The following HVCN1 variants were observed in gnomAD, a reference collection of about 807,000 sequenced individuals.
The protein encoded by HVCN1 is voltage-gated hydrogen channel 1.
Under a neutral mutation model 29.2 loss-of-function variants are expected in HVCN1, and 14 were observed. The ratio of observed to expected loss-of-function variants is 0.48; its 90% CI spans 0.32 to 0.75. HVCN1 has a LOEUF of 0.75. HVCN1 is among the 30% of genes least tolerant of loss of function. The pLI is 0.04. For synonymous variants in HVCN1, 131 were observed against 133.2 expected (o/e 0.98, Z 0.11); for missense variants, 263 against 341.8 (o/e 0.77, Z 1.82).
upstream of HVCN1, among the ~76,000 whole-genome samples, chr12:110,694,643 G>C (rs1242652941): frequency 6.6e-6 from 1 of 152,240 alleles, no homozygotes; most frequent in East Asian, 1.9e-4. The surrounding 1 kb of genome is among the most constrained non-coding windows in gnomAD (Gnocchi z 4.6). Context: ...GCCAGAGACA[G>C]GGTGGGGGTT....
rs147429697 is a variant in HVCN1 at position 110,681,152 on chromosome 12, G to A, written c.21+2073C>T. ...ATGTCTCTGAAATCTGGCTGGGCCTGACAATTGATCGGTTTCAGCCTGTGT... is the reference window on the plus strand; with the variant it reads ...ATGTCTCTGAAATCTGGCTGGGCCTAACAATTGATCGGTTTCAGCCTGTGT... On this transcript the variant is annotated intron_variant, in intron 3 of 7. Transcript: ENST00000242607. Among the ~76,000 whole-genome samples the A allele has an allele frequency of 6.8e-3, 1,036 of 152,286 alleles. 1 individual carries two copies. Among genetic ancestry groups the A allele is most frequent in the Non-Finnish European group, 9.3e-3 (632 of 68,026 alleles).
At chr12:110,667,452 A>G (rs1471038405) in intron 3 of HVCN1, among the ~76,000 whole-genome samples, 1 of 151,450 alleles carries the variant, frequency 6.6e-6, no homozygotes, top group Non-Finnish European at 1.5e-5. Context: ...CTTTTTTGAG[A>G]TAGGGTCTCG....
chr12:110,687,608 G>C (rs925078600), intron 2 of HVCN1, among the ~76,000 whole-genome samples: 1 of 152,146 alleles, frequency 6.6e-6, no homozygotes. Context: ...GAGGGGTCCA[G>C]CGTGATGAGG....
intron 3 of HVCN1, among the ~76,000 whole-genome samples, chr12:110,669,378 G>T (rs2068490538): frequency 6.6e-6 from 1 of 152,074 alleles, no homozygotes; most frequent in Non-Finnish European, 1.5e-5. Flanking sequence ...TGTCCCTGCT[G>T]TGCAGCGACC....
At chr12:110,678,099 C>T (rs1256836171) in intron 3 of HVCN1, among the ~76,000 whole-genome samples, 6 of 152,252 alleles carry the variant, frequency 3.9e-5, no homozygotes, top group Non-Finnish European at 8.8e-5. Context: ...GCGGGGACTG[C>T]AATGTCTCTG....
At chr12:110,667,596 A>AT (rs924249514) in intron 3 of HVCN1, among the ~76,000 whole-genome samples, 1 of 150,346 alleles carries the variant, frequency 6.7e-6, no homozygotes, top group African/African-American at 2.5e-5. Flanking sequence ...CGCTCAGCTA[A>AT]TTTTTTGTAT....
upstream of HVCN1, among the ~76,000 whole-genome samples, chr12:110,690,557 ACCTCC>A (rs2069381874): frequency 6.6e-6 from 1 of 151,768 alleles, no homozygotes; most frequent in Non-Finnish European, 1.5e-5. Context: ...GCTTACTGCA[ACCTCC>A]GCCTCCTGGG....
chr12:110,699,568 C>T (rs1469770513), intron 2 of HVCN1, among the ~76,000 whole-genome samples: 14 of 152,064 alleles, frequency 9.2e-5, no homozygotes, highest in African/African-American at 7.2e-5. Flanking sequence ...ACAGAGAAGA[C>T]GAGGTCCTTT....
chr12:110,648,944 T>C lies in HVCN1; in HGVS notation c.*466A>G. The C allele has an allele frequency of 2.3e-6, 1 of 426,836 alleles. No homozygotes were observed. The highest frequency in any genetic ancestry group is 7.1e-5 in the East Asian group (1 of 14,174). 26.4% of individuals were successfully genotyped at this position (426,836 alleles called of 1,614,324 possible). ...CAGAGGAGGGGCCTGGGTACCCCTT[T>C]TGGGGAAACTGAGACGAAGCTATTT... On this transcript the variant is annotated 3_prime_UTR_variant, in exon 8 of 8. Coordinates refer to ENST00000242607, the MANE Select transcript of HVCN1 (RefSeq NM_032369.4).
chr12:110,693,495 G>A (rs112105090), upstream of HVCN1, among the ~76,000 whole-genome samples: 476 of 151,376 alleles, frequency 3.1e-3, 1 homozygote, highest in African/African-American at 0.011. Context: ...AGTGAACTGA[G>A]ATCACGCCAC....
chr12:110,688,867 C>T (rs2069302588), intron 1 of HVCN1, among the ~76,000 whole-genome samples, 159 bp from the exon 2 acceptor site: 1 of 152,216 alleles, frequency 6.6e-6, no homozygotes, highest in Non-Finnish European at 1.5e-5. Flanking sequence ...GACTCCAGTC[C>T]CTGCCGAGGG....
At chr12:110,671,211 T>C (rs2068563170) in intron 3 of HVCN1, among the ~76,000 whole-genome samples, 1 of 151,940 alleles carries the variant, frequency 6.6e-6, no homozygotes, top group African/African-American at 2.4e-5. Context: ...CCTGTAATCC[T>C]AGCTACTCCG....
intron 2 of HVCN1, among the ~76,000 whole-genome samples, chr12:110,699,761 T>C (rs2069544738): frequency 6.6e-6 from 1 of 152,114 alleles, no homozygotes; most frequent in South Asian, 2.1e-4. Context: ...CTTCTTCTAG[T>C]CTTCACAATG....
At chr12:110,686,790 G>C (rs2069200251) in intron 2 of HVCN1, among the ~76,000 whole-genome samples, 1 of 152,330 alleles carries the variant, frequency 6.6e-6, no homozygotes, top group Non-Finnish European at 1.5e-5. Context: ...GGTCACAAGA[G>C]GTAAGTGCTT....
chr12:110,655,196 CAT>C (rs771543346), intron 5 of HVCN1, 36 bp downstream of exon 5: 2 of 1,506,382 alleles, frequency 1.3e-6, no homozygotes, highest in South Asian at 1.1e-5. Context: ...ACAAGCAAAA[CAT>C]ATCAGTAAGA....
At chr12:110,651,846 C>T (rs2067824013) in intron 5 of HVCN1, among the ~76,000 whole-genome samples, 1 of 152,118 alleles carries the variant, frequency 6.6e-6, no homozygotes, top group Admixed American at 6.6e-5. Context: ...AATGGTGACA[C>T]CTCCATATGG....
chr12:110,654,866 C>T (rs1325098747), intron 5 of HVCN1, among the ~76,000 whole-genome samples: 1 of 152,110 alleles, frequency 6.6e-6, no homozygotes, highest in Non-Finnish European at 1.5e-5. Context: ...CTGGGATGGG[C>T]TCAGTAACTG....
intron 3 of HVCN1, among the ~76,000 whole-genome samples, chr12:110,665,504 C>T (rs574018441): frequency 3.5e-4 from 53 of 149,620 alleles, no homozygotes; most frequent in African/African-American, 1.3e-3. Context: ...TGTGGTGAGC[C>T]GAGATCATGC....
At chr12:110,687,515 C>T (rs1566065347) in intron 2 of HVCN1, among the ~76,000 whole-genome samples, 1 of 151,964 alleles carries the variant, frequency 6.6e-6, no homozygotes, top group Non-Finnish European at 1.5e-5. Context: ...GGACAGTGGC[C>T]AGAGAGAAAA....
Sources: gnomAD v4.1 joint callset for allele counts (sites outside exome capture counted in the v4.1 genomes callset) on GRCh38, gnomAD v4.1.1 for gene constraint, Gnocchi (gnomAD v3.1) non-coding constraint, MANE v1.5 for transcripts, NCBI Gene and HGNC (gene_info 2026-07-23, HGNC 2026-07-21) for gene names.